Variants in LHFPL2 observed in about 807,000 individuals in gnomAD.
LHFPL2 encodes the protein LHFPL tetraspan subfamily member 2 protein.
A neutral mutation model predicts 17.5 loss-of-function variants in LHFPL2; 7 were observed. That is an observed-to-expected ratio of 0.40 (90% confidence interval 0.23 to 0.75). The LOEUF (loss-of-function observed/expected upper bound fraction) is 0.75. LHFPL2 is among the 30% of genes least tolerant of loss of function. The probability of loss-of-function intolerance (pLI) is 0.37; values close to 1 mark genes in which losing one functional copy is unlikely to be tolerated. For synonymous variants in LHFPL2, 134 were observed against 116.2 expected (o/e 1.15, Z -0.99); for missense variants, 241 against 294.8 (o/e 0.82, Z 1.34).
At chr5:78,564,078 G>A (rs1756798764) in intron 3 of LHFPL2, among the ~76,000 whole-genome samples, 1 of 152,156 alleles carries the variant, frequency 6.6e-6, no homozygotes, top group Non-Finnish European at 1.5e-5. Flanking sequence ...GTGTCAGTCA[G>A]TCCCAAATCC....
At chr5:78,606,152 A>G (rs1469614107) in intron 2 of LHFPL2, among the ~76,000 whole-genome samples, 1 of 152,172 alleles carries the variant, frequency 6.6e-6, no homozygotes, top group Non-Finnish European at 1.5e-5. Context: ...AACTTAACAA[A>G]ATAACCTTAT....
At chr5:78,491,756 AC>A (rs1416072303) in intron 4 of LHFPL2, among the ~76,000 whole-genome samples, 1 of 152,188 alleles carries the variant, frequency 6.6e-6, no homozygotes, top group Admixed American at 6.5e-5. Flanking sequence ...AGTCTGTTCT[AC>A]CATCGTAACA....
intron 2 of LHFPL2, among the ~76,000 whole-genome samples, chr5:78,589,786 T>C (rs536645773): frequency 2.0e-5 from 3 of 152,352 alleles, no homozygotes; most frequent in Middle Eastern, 3.4e-3. Flanking sequence ...GTTCACCTCA[T>C]ATGCTCAAGG....
At chr5:78,602,975 T>C (rs2112475455) in intron 2 of LHFPL2, among the ~76,000 whole-genome samples, 1 of 152,204 alleles carries the variant, frequency 6.6e-6, no homozygotes, top group South Asian at 2.1e-4. Flanking sequence ...ACTGCAACCT[T>C]CGCCTCCTGG....
chr5:78,590,451 C>G (rs951567897), intron 2 of LHFPL2, among the ~76,000 whole-genome samples: 1 of 151,986 alleles, frequency 6.6e-6, no homozygotes, highest in Non-Finnish European at 1.5e-5. Context: ...ATTTTTTTAA[C>G]AACTAATAAA....
intron 3 of LHFPL2, among the ~76,000 whole-genome samples, chr5:78,537,183 G>A (rs1266474124): frequency 6.6e-6 from 1 of 152,112 alleles, no homozygotes; most frequent in African/African-American, 2.4e-5. Flanking sequence ...CCCCAGATCT[G>A]AGATCCACCT....
At chr5:78,621,975 C>T (rs932692375) in intron 2 of LHFPL2, among the ~76,000 whole-genome samples, 22 of 152,124 alleles carry the variant, frequency 1.4e-4, no homozygotes, top group Non-Finnish European at 7.3e-5. Flanking sequence ...CCGAGAAACA[C>T]ATACTCTCTA....
intron 3 of LHFPL2, among the ~76,000 whole-genome samples, chr5:78,529,450 T>G (rs975928726): frequency 6.6e-6 from 1 of 152,234 alleles, no homozygotes; most frequent in Non-Finnish European, 1.5e-5. Flanking sequence ...CACTTTTCCC[T>G]GAAGCATGAA....
At chr5:78,608,570 C>T (rs1026426341) in intron 2 of LHFPL2, among the ~76,000 whole-genome samples, 2 of 145,416 alleles carry the variant, frequency 1.4e-5, no homozygotes, top group African/African-American at 2.5e-5. Flanking sequence ...CCCTAATTAG[C>T]GATCTAAATT....
chr5:78,523,677 A>G (rs929019169), intron 3 of LHFPL2, among the ~76,000 whole-genome samples: 2 of 152,184 alleles, frequency 1.3e-5, no homozygotes, highest in African/African-American at 4.8e-5. Flanking sequence ...AGCCTGAGAA[A>G]CAAACATTTC....
intron 2 of LHFPL2, chr5:78,625,669 G>A (rs1745008855): frequency 6.6e-6 from 1 of 152,330 alleles, no homozygotes; most frequent in Non-Finnish European, 1.5e-5. Context: ...ATATCTCAGA[G>A]AGAGCACTGG....
At chr5:78,494,701 C>G (rs561571138) in intron 4 of LHFPL2, among the ~76,000 whole-genome samples, 124 of 152,296 alleles carry the variant, frequency 8.1e-4, no homozygotes, top group African/African-American at 3.0e-3. Flanking sequence ...GCCATCCCAG[C>G]GCAGCACCTG....
At chr5:78,521,603 G>T (rs1055661543) in intron 3 of LHFPL2, among the ~76,000 whole-genome samples, 1 of 152,208 alleles carries the variant, frequency 6.6e-6, no homozygotes, top group Non-Finnish European at 1.5e-5. Context: ...GAGCTGATTA[G>T]CATGATAATC....
chr5:78,493,776 G>C (rs1489249488), intron 4 of LHFPL2, among the ~76,000 whole-genome samples: 1 of 152,192 alleles, frequency 6.6e-6, no homozygotes, highest in East Asian at 1.9e-4. Flanking sequence ...CTTGTGCCCT[G>C]AATTCCAAAT....
At chr5:78,627,172 T>G (rs900118002) in intron 2 of LHFPL2, among the ~76,000 whole-genome samples, 11 of 152,090 alleles carry the variant, frequency 7.2e-5, no homozygotes, top group Non-Finnish European at 1.0e-4. Flanking sequence ...CCATCAGACA[T>G]GAGACAGTAA....
chr5:78,594,680 A>G lies in LHFPL2; in HGVS notation c.-244-29809T>C, dbSNP rs115731763. Among the ~76,000 whole-genome samples the G allele has an allele frequency of 3.4e-3, 512 of 152,344 alleles. 4 individuals carry two copies. The highest frequency in any genetic ancestry group is 0.012 in the African/African-American group (498 of 41,584). ...TCCTAAGTGTTCCCCTGGGATAAGA[A>G]CCAAGACACAAGAAAGAGAAAAGGG... On this transcript the variant is annotated intron_variant, in intron 2 of 4. Coordinates refer to ENST00000380345, the MANE Select transcript of LHFPL2 (RefSeq NM_005779.3).
chr5:78,635,387 T>C (rs1288227697), intron 1 of LHFPL2, among the ~76,000 whole-genome samples: 1 of 152,172 alleles, frequency 6.6e-6, no homozygotes, highest in Non-Finnish European at 1.5e-5. Context: ...CCGCCCCCTC[T>C]TCCCCCAGGG....
chr5:78,513,900 C>T (rs780556081), intron 3 of LHFPL2, among the ~76,000 whole-genome samples: 2 of 152,124 alleles, frequency 1.3e-5, no homozygotes, highest in African/African-American at 4.8e-5. Flanking sequence ...AGTGTAAAAA[C>T]GGACTAACAG....
At chr5:78,562,712 TTG>T (rs1725698000) in intron 3 of LHFPL2, among the ~76,000 whole-genome samples, 1 of 152,148 alleles carries the variant, frequency 6.6e-6, no homozygotes, top group Non-Finnish European at 1.5e-5. Context: ...ATGTCTGTTC[TTG>T]TGTTTGTCTG....
Sources: gnomAD v4.1 joint callset for allele counts (sites outside exome capture counted in the v4.1 genomes callset) on GRCh38, gnomAD v4.1.1 for gene constraint, MANE v1.5 for transcripts, NCBI Gene and HGNC (gene_info 2026-07-23, HGNC 2026-07-21) for gene names.